TNFRSF8: variants seen among roughly 807,000 people sequenced by gnomAD.
TNFRSF8 encodes the protein TNF receptor superfamily member 8.
TNFRSF8 carries 26 observed loss-of-function variants against 70.8 expected under a neutral mutation model. That is an observed-to-expected ratio of 0.37 (90% CI 0.27 to 0.51). The LOEUF is 0.51. TNFRSF8 is among the 20% of genes least tolerant of loss of function. The pLI is 0.94. For missense variants in TNFRSF8, 720 were observed against 807.9 expected, an observed-to-expected ratio of 0.89 and a Z score of 1.32; for synonymous variants, 356 against 339.2, an observed-to-expected ratio of 1.05 and a Z score of -0.54.
At chr1:12,084,437 G>T in intron 1 of TNFRSF8, 27 bp from the exon 2 acceptor site, 1 of 1,607,278 alleles carries the variant, frequency 6.2e-7, no homozygotes, top group Non-Finnish European at 8.5e-7. Flanking sequence ...GATCCACCTG[G>T]CCTCACCAGC....
intron 1 of TNFRSF8, chr1:12,080,224 C>T (rs1641039927): frequency 9.8e-6 from 5 of 511,344 alleles, no homozygotes; most frequent in Admixed American, 5.8e-5. Flanking sequence ...GCTGAGATTA[C>T]AGGCATGAGC....
chr1:12,092,000 C>T (rs1275930302), intron 2 of TNFRSF8, among the ~76,000 whole-genome samples: 1 of 152,152 alleles, frequency 6.6e-6, no homozygotes, highest in Non-Finnish European at 1.5e-5. Context: ...CGTCACTCAC[C>T]TCCTGCTGTG....
At chr1:12,117,142 G>A (rs1641746473) in intron 8 of TNFRSF8, among the ~76,000 whole-genome samples, 1 of 152,058 alleles carries the variant, frequency 6.6e-6, no homozygotes, top group African/African-American at 2.4e-5. Flanking sequence ...ATGTGCAGTG[G>A]TGTAATCTCA....
At chr1:12,091,187 G>C (rs1025077555) in intron 2 of TNFRSF8, among the ~76,000 whole-genome samples, 1 of 152,208 alleles carries the variant, frequency 6.6e-6, no homozygotes, top group African/African-American at 2.4e-5. Context: ...GTCGTAGTTT[G>C]TTATGGCAGC....
In TNFRSF8 at chr1:12,113,360, G is replaced by A. The variant is rs143726951; in HGVS notation, c.793+1346G>A. Reference sequence around the variant, plus strand: ...TTTCTTTTTTTGTATTTTTAGTAGAGACGGGGTTTCACCATGTTGGCCAGG... The same window carrying A: ...TTTCTTTTTTTGTATTTTTAGTAGAAACGGGGTTTCACCATGTTGGCCAGG... On this transcript the variant is annotated intron_variant, in intron 7 of 14. Transcript: ENST00000263932. The surrounding 1 kb of genome is among the most constrained non-coding windows in gnomAD (Gnocchi z 4.9). Among the ~76,000 whole-genome samples, 84 of 152,244 alleles carry A rather than the reference G, an allele frequency of 5.5e-4. No homozygotes were observed. The highest frequency in any genetic ancestry group is 2.0e-3 in the African/African-American group (82 of 41,534).
chr1:12,107,123 G>A (rs779702258), intron 4 of TNFRSF8, among the ~76,000 whole-genome samples: 20 of 152,308 alleles, frequency 1.3e-4, no homozygotes, highest in Non-Finnish European at 2.9e-4. Flanking sequence ...GGCCGGGTGC[G>A]GTGGCTCACA....
Position 12,113,624 on chromosome 1 carries a change from GGA to G in TNFRSF8, c.793+1621_793+1622del, listed in dbSNP as rs939679369. On this transcript the variant is annotated intron_variant, in intron 7 of 14. Coordinates refer to ENST00000263932, the MANE Select transcript of TNFRSF8 (RefSeq NM_001243.5). The surrounding 1 kb of genome is among the most constrained non-coding windows in gnomAD (Gnocchi z 4.9). ...GAGAGTGAGAGAGAGACAGAAAGAG[GGA>G]GAGAGAGAGACAGAAAGAGAAAGAG... Among the ~76,000 whole-genome samples, 133 of 148,992 alleles carry G rather than the reference GGA, an allele frequency of 8.9e-4. No homozygotes were observed. Among genetic ancestry groups the G allele is most frequent in the African/African-American group, 3.1e-3 (123 of 40,282 alleles).
intron 1 of TNFRSF8, among the ~76,000 whole-genome samples, chr1:12,075,651 G>A (rs1396936652): frequency 1.3e-5 from 2 of 152,188 alleles, no homozygotes; most frequent in African/African-American, 4.8e-5. Flanking sequence ...GTAAGGAGAC[G>A]TATATGAGCA....
chr1:12,068,868 TTTTC>T (rs1640786653), intron 1 of TNFRSF8, among the ~76,000 whole-genome samples: 1 of 151,256 alleles, frequency 6.6e-6, no homozygotes, highest in Non-Finnish European at 1.5e-5. Context: ...TCTAGTTTCT[TTTTC>T]TTTCTTTTTT....
At chr1:12,111,300 G>A (rs548334904) in intron 6 of TNFRSF8, among the ~76,000 whole-genome samples, 1 of 152,170 alleles carries the variant, frequency 6.6e-6, no homozygotes, top group East Asian at 1.9e-4. Flanking sequence ...TCCTGCCTCA[G>A]CCTCCCGAGT....
In TNFRSF8 at chr1:12,071,888, G is replaced by T. The variant is rs374420010; in HGVS notation, c.63+8227G>T. On this transcript the variant is annotated intron_variant, in intron 1 of 14. Transcript: ENST00000263932. ...ATTTTTGTATTTTTAGTAGAGATGG[G>T]GTTTCACCATGTTGGCCAGGATGGT... Among the ~76,000 whole-genome samples, 18 of 152,230 alleles carry T rather than the reference G, an allele frequency of 1.2e-4. No individual in the cohort carries two copies. The South Asian group carries it at 2.3e-3, about 19-fold the overall frequency.
intron 2 of TNFRSF8, 37 bp from the exon 3 acceptor site, chr1:12,097,064 T>A (rs1641343188): frequency 6.3e-7 from 1 of 1,578,480 alleles, no homozygotes; most frequent in South Asian, 1.1e-5. Flanking sequence ...CTTTGCTAAG[T>A]CAGCCTGGCT....
intron 13 of TNFRSF8, among the ~76,000 whole-genome samples, chr1:12,136,297 G>C (rs757996127): frequency 6.6e-6 from 1 of 152,132 alleles, no homozygotes; most frequent in Non-Finnish European, 1.5e-5. Flanking sequence ...CAATTTGTAA[G>C]GTAATCAAAT....
chr1:12,125,196 C>T (rs1641915979), intron 10 of TNFRSF8, among the ~76,000 whole-genome samples: 1 of 152,182 alleles, frequency 6.6e-6, no homozygotes, highest in African/African-American at 2.4e-5. Context: ...CAATAAAGTG[C>T]AATCACTAGC....
intron 3 of TNFRSF8, among the ~76,000 whole-genome samples, chr1:12,097,711 G>A (rs1641353116): frequency 6.6e-6 from 1 of 151,774 alleles, no homozygotes; most frequent in African/African-American, 2.4e-5. Context: ...AATGCAGTCT[G>A]TGTGCTATCT....
chr1:12,066,784 C>T (rs532812702), intron 1 of TNFRSF8, among the ~76,000 whole-genome samples: 1 of 152,104 alleles, frequency 6.6e-6, no homozygotes, highest in African/African-American at 2.4e-5. Flanking sequence ...TCCTGAATAG[C>T]TGGGATTATA....
intron 4 of TNFRSF8, 49 bp downstream of exon 4, chr1:12,104,580 C>T: frequency 1.2e-6 from 2 of 1,608,130 alleles, no homozygotes; most frequent in African/African-American, 2.7e-5. Context: ...GCTGTTGCTG[C>T]TGCACCTTCC....
Position 12,141,514 on chromosome 1 carries a change from C to G in TNFRSF8, c.1544-773C>G, listed in dbSNP as rs570732272. Among the ~76,000 whole-genome samples the G allele has an allele frequency of 7.9e-5, 12 of 152,350 alleles. No homozygotes were observed. The highest frequency in any genetic ancestry group is 2.9e-4 in the African/African-American group (12 of 41,580). On this transcript the variant is annotated intron_variant, in intron 14 of 14. Coordinates refer to ENST00000263932, the MANE Select transcript of TNFRSF8 (RefSeq NM_001243.5). This position sits in a 1 kb window ranked among gnomAD's most constrained non-coding sequence, Gnocchi z 5.4. ...GCCATGCACGCTGCAGGCAGGAGAC[C>G]GGCTGTGAGCAGTAAGCCCCGAAAT...
At chr1:12,130,821 A>G (rs1301011046) in intron 12 of TNFRSF8, among the ~76,000 whole-genome samples, 2 of 152,262 alleles carry the variant, frequency 1.3e-5, no homozygotes, top group Non-Finnish European at 2.9e-5. Flanking sequence ...AAGGCAAGGA[A>G]ACCAACAAAT....
Sources: gnomAD v4.1 joint callset for allele counts (sites outside exome capture counted in the v4.1 genomes callset) on GRCh38, gnomAD v4.1.1 for gene constraint, Gnocchi (gnomAD v3.1) non-coding constraint, MANE v1.5 for transcripts, NCBI Gene and HGNC (gene_info 2026-07-23, HGNC 2026-07-21) for gene names.